Variants in IFT140 observed in about 807,000 individuals in gnomAD.
IFT140 encodes intraflagellar transport protein 140 homolog.
A neutral mutation model predicts 164.6 loss-of-function variants in IFT140; 133 were observed. That is an observed-to-expected ratio of 0.81 (90% CI 0.70 to 0.93). IFT140 has a LOEUF of 0.93. IFT140 is among the 40% of genes least tolerant of loss of function. The pLI, the probability that IFT140 is intolerant of heterozygous loss-of-function variation, is 0.00. For missense variants in IFT140, 2,045 were observed against 1,972.3 expected (o/e 1.04, Z -0.70); for synonymous variants, 860 against 817.3 (o/e 1.05, Z -0.89).
intron 21 of IFT140, 80 bp downstream of exon 21, chr16:1,525,807 T>C (rs1026331016): frequency 1.1e-4 from 144 of 1,359,932 alleles, no homozygotes; most frequent in Non-Finnish European, 1.3e-4. Flanking sequence ...CCTGGCCACC[T>C]CACCACAGCA....
At chr16:1,524,252 T>C (rs1167242017) in intron 24 of IFT140, 1 of 598,896 alleles carries the variant, frequency 1.7e-6, no homozygotes, top group African/African-American at 1.9e-5. Context: ...CCAACAGCTA[T>C]CTAGGAAGGG....
chr16:1,552,585 C>T (rs964427265), intron 19 of IFT140, among the ~76,000 whole-genome samples: 1 of 151,970 alleles, frequency 6.6e-6, no homozygotes, highest in African/African-American at 2.4e-5. Context: ...GAGCAGAGGG[C>T]ACATTCCGCA....
chr16:1,607,961 C>T (rs966801398), intron 2 of IFT140, among the ~76,000 whole-genome samples: 2 of 152,100 alleles, frequency 1.3e-5, no homozygotes, highest in Non-Finnish European at 2.9e-5. Flanking sequence ...CATTTTCAAA[C>T]AAAATAAATG....
At chr16:1,524,148 T>C in intron 24 of IFT140, 192 bp from the exon 25 acceptor site, 2 of 741,570 alleles carry the variant, frequency 2.7e-6, no homozygotes, top group East Asian at 2.7e-5. Context: ...ATGCTCTGGG[T>C]TCTATTTCAC....
At chr16:1,583,441 G>C in intron 11 of IFT140, 55 bp from the exon 12 acceptor site, 1 of 1,440,112 alleles carries the variant, frequency 6.9e-7, no homozygotes, top group Admixed American at 1.7e-5. Flanking sequence ...AGGTGCAACT[G>C]TACACCCCAC....
At chr16:1,574,412 T>G (rs2034170156) in intron 13 of IFT140, among the ~76,000 whole-genome samples, 1 of 152,096 alleles carries the variant, frequency 6.6e-6, no homozygotes, top group Admixed American at 6.6e-5. Flanking sequence ...CCCAAGTAGC[T>G]GGGACCATAG....
chr16:1,533,760 C>G lies in IFT140; in HGVS notation c.2400-6964G>C, dbSNP rs1356131520. On this transcript the variant is annotated intron_variant, in intron 19 of 30. Transcript: ENST00000426508. This position sits in a 1 kb window ranked among gnomAD's most constrained non-coding sequence, Gnocchi z 4.7. Reference sequence around the variant, plus strand: ...TGCTTTCCAGGACCGGCCAACTGCCCTGGAGGCATCCACACAGGGGCCCAG... The same window carrying G: ...TGCTTTCCAGGACCGGCCAACTGCCGTGGAGGCATCCACACAGGGGCCCAG... The G allele has an allele frequency of 5.6e-6, 1 of 177,102 alleles. No individual in the cohort carries two copies. The highest frequency in any genetic ancestry group is 2.4e-5 in the African/African-American group (1 of 41,598). The allele number at this position is 177,102 out of a possible 1,614,324, so 11.0% of individuals were successfully genotyped here. A position where few individuals can be genotyped will look rare whatever the true frequency, so the allele number is the denominator to read the frequency against.
Position 1,533,961 on chromosome 16 carries a change from C to A in IFT140, c.2400-7165G>T. 1 of 423,664 alleles carries A rather than the reference C, an allele frequency of 2.4e-6. No individual in the cohort carries two copies. Among genetic ancestry groups the A allele is most frequent in the Non-Finnish European group, 4.2e-6 (1 of 237,796 alleles). 26.2% of individuals were successfully genotyped at this position (423,664 alleles called of 1,614,324 possible). Reference sequence around the variant, plus strand: ...GAGAAGAGGCACGCGCGGCACAGGCCGGCCTCCGCTTCCCGGGAAGACGGC... The same window carrying A: ...GAGAAGAGGCACGCGCGGCACAGGCAGGCCTCCGCTTCCCGGGAAGACGGC... On this transcript the variant is annotated intron_variant, in intron 19 of 30. Coordinates refer to ENST00000426508, the MANE Select transcript of IFT140 (RefSeq NM_014714.4). The surrounding 1 kb of genome is among the most constrained non-coding windows in gnomAD (Gnocchi z 4.7).
intron 13 of IFT140, among the ~76,000 whole-genome samples, chr16:1,573,135 G>A (rs2034107132): frequency 1.3e-5 from 2 of 152,216 alleles, no homozygotes; most frequent in South Asian, 4.1e-4. Flanking sequence ...GAGTCAGGGT[G>A]GGAGTATTCC....
Position 1,527,553 on chromosome 16 carries a change from G to A in IFT140, c.2400-757C>T, listed in dbSNP as rs1015603333. Among the ~76,000 whole-genome samples the A allele has an allele frequency of 2.5e-4, 38 of 152,304 alleles. No homozygotes were observed. The Middle Eastern group carries it at 0.014, about 55-fold the overall frequency. ...GTCAGGGCACAGGTGCAGGGACGGT[G>A]GAAGTCACCCTGCCTCTTAGGGTTT... On this transcript the variant is annotated intron_variant, in intron 19 of 30. Transcript: ENST00000426508.
chr16:1,544,535 G>A (rs2031977296), intron 19 of IFT140, among the ~76,000 whole-genome samples: 1 of 151,326 alleles, frequency 6.6e-6, no homozygotes, highest in Non-Finnish European at 1.5e-5. Flanking sequence ...TCACCATGTT[G>A]GTCCAGCTGG....
chr16:1,525,944 T>A lies in IFT140; in HGVS notation c.2711A>T (p.Tyr904Phe), dbSNP rs778916845. The change falls in exon 21 of 31, where the codon TAC becomes TTC. Residue 904 changes from tyrosine to phenylalanine, a missense_variant. Tyr to Phe is a conservative substitution (Grantham distance 22). Transcript: ENST00000426508. ...HHDRVHLRSTYHRYAGHLEAS... is the reference protein window; with the variant it reads ...HHDRVHLRSTFHRYAGHLEAS... The stretch of plus-strand genomic sequence containing the variant: ...CTCCAGGTGCCCGGCATAGCGGTGG[T>A]AGGTGCTGCGCAGGTGCACGCGATC... 1.3e-6 allele frequency: 2 copies of A among 1,577,592 alleles called. No homozygotes were observed. The highest frequency in any genetic ancestry group is 2.3e-5 in the South Asian group (2 of 86,172).
At position 1,586,060 on chromosome 16, in the gene IFT140, C is replaced by T. The variant is rs991619309; in HGVS notation, c.1155+70G>A. On this transcript the variant is annotated intron_variant, in intron 10 of 30. Coordinates refer to ENST00000426508, the MANE Select transcript of IFT140 (RefSeq NM_014714.4). ...TGCTGGGATTACAGGCGTGAGCCAC[C>T]GCGCCCGGCCATGGTCTCCACTTTC... The T allele has an allele frequency of 3.0e-5, 47 of 1,586,650 alleles. 1 individual carries two copies. Among genetic ancestry groups the T allele is most frequent in the Middle Eastern group, 1.8e-4 (1 of 5,444 alleles).
intron 8 of IFT140, 37 bp from the exon 9 acceptor site, chr16:1,587,341 T>C (rs1305772426): frequency 7.4e-7 from 1 of 1,351,994 alleles, no homozygotes; most frequent in East Asian, 2.3e-5. Context: ...GGAGGGCCTG[T>C]GTTAGTGGCG....
intron 30 of IFT140, among the ~76,000 whole-genome samples, chr16:1,517,724 C>T (rs2040405611): frequency 6.6e-6 from 1 of 152,238 alleles, no homozygotes; most frequent in African/African-American, 2.4e-5. Context: ...CGTGGTTATT[C>T]AGACTCGGGT....
chr16:1,577,955 G>A (rs1189476080), intron 13 of IFT140: 1 of 147,710 alleles, frequency 6.8e-6, no homozygotes, highest in African/African-American at 2.6e-5. Flanking sequence ...CGGAGGGGTG[G>A]GCAGGGATGG....
intron 19 of IFT140, among the ~76,000 whole-genome samples, chr16:1,527,788 G>C (rs906481256): frequency 3.0e-4 from 45 of 152,156 alleles, no homozygotes; most frequent in African/African-American, 1.1e-3. Context: ...ACCCAGGCTG[G>C]TCTCGAACTT....
In IFT140 at chr16:1,592,845, G is replaced by A. The variant is rs115118696; in HGVS notation, c.370-257C>T. 3.9e-3 allele frequency among the ~76,000 whole-genome samples: 581 copies of A among 148,628 alleles called. 8 individuals carry two copies. The highest frequency in any genetic ancestry group is 0.014 in the African/African-American group (553 of 40,126). ...ATGAAGGCTGGCAAGGTACCCTGAC[G>A]GAGTCACTGGCGGAGGGACAGGTGT... On this transcript the variant is annotated intron_variant, in intron 4 of 30. Coordinates refer to ENST00000426508, the MANE Select transcript of IFT140 (RefSeq NM_014714.4).
At position 1,580,803 on chromosome 16, in the gene IFT140, C is replaced by T. The variant is rs767571875; in HGVS notation, c.1480G>A (p.Val494Ile). ...TPVLAMHEEN[V>I]YTVESNRVQV... ...ACTCGGTTTGACTCCACCGTGTAAACGTTTTCTTCATGCATTGCTAACACA... is the reference window on the plus strand; with the variant it reads ...ACTCGGTTTGACTCCACCGTGTAAATGTTTTCTTCATGCATTGCTAACACA... The change falls in exon 13 of 31, where the codon GTT becomes ATT. Residue 494 changes from valine to isoleucine, a missense_variant. Val to Ile is a conservative substitution (Grantham distance 29, BLOSUM62 3). Coordinates refer to ENST00000426508, the MANE Select transcript of IFT140 (RefSeq NM_014714.4). The T allele has an allele frequency of 1.4e-5, 22 of 1,613,880 alleles. No individual in the cohort carries two copies. The highest frequency in any genetic ancestry group is 1.7e-5 in the Non-Finnish European group (20 of 1,179,946).
Sources: allele counts gnomAD v4.1 joint callset (sites outside exome capture counted in the v4.1 genomes callset), GRCh38; gene constraint gnomAD v4.1.1; non-coding constraint Gnocchi (gnomAD v3.1); transcripts MANE v1.5; gene names NCBI Gene and HGNC (gene_info 2026-07-23, HGNC 2026-07-21).